The following POLR3C variants were observed in gnomAD, a reference collection of about 807,000 sequenced individuals.
POLR3C encodes the protein RNA polymerase III subunit C.
Under a neutral mutation model 65.9 loss-of-function variants are expected in POLR3C, and 44 were observed. The ratio of observed to expected loss-of-function variants is 0.67; its 90% CI spans 0.52 to 0.86. POLR3C has a LOEUF of 0.86. Ranked by LOEUF, POLR3C falls within the 40% of genes least tolerant of loss-of-function variation. The pLI, the probability that POLR3C is intolerant of heterozygous loss-of-function variation, is 0.00. For synonymous variants in POLR3C, 263 were observed against 231.6 expected, an observed-to-expected ratio of 1.14 and a Z score of -1.23; for missense variants, 576 against 653.2, an observed-to-expected ratio of 0.88 and a Z score of 1.29.
chr1:145,836,902 CCT>C (rs1651898566), intron 9 of POLR3C, 36 bp downstream of exon 9: 1 of 1,151,408 alleles, frequency 8.7e-7, no homozygotes, highest in African/African-American at 1.5e-5. Flanking sequence ...AGTCAGGCAG[CCT>C]GACCTATAAA....
intron 14 of POLR3C, 115 bp downstream of exon 14, chr1:145,841,186 G>A (rs1652263051): frequency 2.5e-6 from 2 of 807,584 alleles, no homozygotes; most frequent in African/African-American, 1.7e-5. Flanking sequence ...GTCTCCTCCA[G>A]CTCACTTAAC....
chr1:145,833,490 A>G lies in POLR3C; in HGVS notation c.784A>G (p.Thr262Ala). 6.2e-7 allele frequency: 1 copy of G among 1,612,392 alleles called. No individual in the cohort carries two copies. The highest frequency in any genetic ancestry group is 8.5e-7 in the Non-Finnish European group (1 of 1,178,376). The change falls in exon 7 of 15, where the codon ACA becomes GCA. Residue 262 changes from threonine to alanine, a missense_variant and splice_region_variant. Physicochemically the swap from Thr to Ala is moderately conservative, Grantham distance 58 (BLOSUM62 0). Transcript: ENST00000334163. ...VSAVANRMDQ[T>A]SSEIVRTMLR... is the part of the protein sequence containing the mutation. ...GAATTCTAGTTTACTTTTCAAACAG[A>G]CAAGCAGCGAGATTGTGCGAACCAT...
intron 11 of POLR3C, among the ~76,000 whole-genome samples, chr1:145,839,257 C>G (rs1272311759): frequency 6.6e-6 from 1 of 152,048 alleles, no homozygotes; most frequent in Non-Finnish European, 1.5e-5. Context: ...GGCAACAGAG[C>G]AAGACTCTGT....
chr1:145,839,684 T>C (rs587664995), intron 11 of POLR3C: 94 of 500,794 alleles, frequency 1.9e-4, no homozygotes, highest in Admixed American at 1.2e-3. Flanking sequence ...TGAGCTGATA[T>C]CATGCCACCG....
chr1:145,836,789 T>G, intron 8 of POLR3C, 26 bp from the exon 9 acceptor site: 1 of 1,507,946 alleles, frequency 6.6e-7, no homozygotes, highest in East Asian at 2.3e-5. Flanking sequence ...TTCCGTTCAG[T>G]TAACACTCTC....
chr1:145,839,291 T>C (rs1168999544), intron 11 of POLR3C, among the ~76,000 whole-genome samples: 1 of 151,810 alleles, frequency 6.6e-6, no homozygotes, highest in Non-Finnish European at 1.5e-5. Flanking sequence ...ATAATACGAC[T>C]TTTTGTAAAG....
intron 1 of POLR3C, among the ~76,000 whole-genome samples, chr1:145,824,982 C>T (rs1650586182): frequency 6.6e-6 from 1 of 152,092 alleles, no homozygotes; most frequent in Non-Finnish European, 1.5e-5. Flanking sequence ...CACGCATAAT[C>T]CCATAGAGAT....
At position 145,844,193 on chromosome 1, in the gene POLR3C, A is replaced by G. The variant is rs782177569; in HGVS notation, c.*1773A>G. Among the ~76,000 whole-genome samples, 5 of 152,230 alleles carry G rather than the reference A, an allele frequency of 3.3e-5. No homozygotes were observed. Among genetic ancestry groups the G allele is most frequent in the Non-Finnish European group, 7.3e-5 (5 of 68,042 alleles). ...TCTCCAAAAGGAAAGAAATCAATGT[A>G]TCAAAAAGATACCTGCACTCCCATG... On this transcript the variant is annotated 3_prime_UTR_variant, in exon 15 of 15. Coordinates refer to ENST00000334163, the MANE Select transcript of POLR3C (RefSeq NM_006468.8).
chr1:145,836,428 C>T, intron 7 of POLR3C, 66 bp from the exon 8 acceptor site: 1 of 926,488 alleles, frequency 1.1e-6, no homozygotes. Context: ...CCTAAAACAT[C>T]TTTATTTCAG....
intron 1 of POLR3C, chr1:145,824,578 C>G: frequency 8.0e-7 from 1 of 1,250,786 alleles, no homozygotes; most frequent in Non-Finnish European, 1.0e-6. Flanking sequence ...GGGGTGGGGA[C>G]GGGGAGGCAA....
At chr1:145,827,817 A>T (rs1160183882) in intron 4 of POLR3C, among the ~76,000 whole-genome samples, 5 of 151,580 alleles carry the variant, frequency 3.3e-5, no homozygotes, top group African/African-American at 4.8e-5. Context: ...AATCCCAGCT[A>T]CTCGGGAGGC....
intron 11 of POLR3C, among the ~76,000 whole-genome samples, chr1:145,838,594 G>T (rs879948079): frequency 1.3e-5 from 2 of 152,048 alleles, no homozygotes; most frequent in Non-Finnish European, 2.9e-5. Flanking sequence ...GAGGCAGGAA[G>T]GAGACTCTCT....
chr1:145,827,188 C>A (rs782390252), intron 4 of POLR3C, among the ~76,000 whole-genome samples, 183 bp downstream of exon 4: 5 of 152,100 alleles, frequency 3.3e-5, no homozygotes, highest in African/African-American at 1.2e-4. Flanking sequence ...ATACATTAAT[C>A]GGAAAATCAC....
At chr1:145,828,253 C>T (rs976784149) in intron 4 of POLR3C, among the ~76,000 whole-genome samples, 8 of 152,262 alleles carry the variant, frequency 5.3e-5, no homozygotes, top group Admixed American at 5.2e-4. Context: ...GGGAGACAGG[C>T]AGGGGCTGAA....
chr1:145,825,178 G>C (rs587704068), intron 1 of POLR3C, among the ~76,000 whole-genome samples: 3 of 151,700 alleles, frequency 2.0e-5, no homozygotes, highest in Non-Finnish European at 4.4e-5. Flanking sequence ...GCGCGATCTC[G>C]GCTCACTGCA....
intron 7 of POLR3C, 152 bp from the exon 8 acceptor site, chr1:145,836,342 A>G: frequency 1.6e-6 from 1 of 624,822 alleles, no homozygotes; most frequent in Non-Finnish European, 2.9e-6. Flanking sequence ...CTGGTCTCCA[A>G]CTCTTGACCC....
chr1:145,829,610 C>T (rs782706329), intron 5 of POLR3C, among the ~76,000 whole-genome samples: 9 of 152,168 alleles, frequency 5.9e-5, no homozygotes, highest in Non-Finnish European at 8.8e-5. Flanking sequence ...ATCCAAGGTA[C>T]GGGCTAGGAA....
chr1:145,835,490 A>G (rs1651739357), intron 7 of POLR3C, among the ~76,000 whole-genome samples: 1 of 151,728 alleles, frequency 6.6e-6, no homozygotes, highest in African/African-American at 2.4e-5. Flanking sequence ...CAGACCTTGC[A>G]TACTCTAACA....
intron 7 of POLR3C, among the ~76,000 whole-genome samples, chr1:145,836,062 TACAA>T (rs1275663822): frequency 6.6e-6 from 1 of 152,156 alleles, no homozygotes; most frequent in Admixed American, 6.6e-5. Flanking sequence ...TTTTTACTCT[TACAA>T]ACAATCCTGC....
Sources: allele counts gnomAD v4.1 joint callset (sites outside exome capture counted in the v4.1 genomes callset), GRCh38; gene constraint gnomAD v4.1.1; transcripts MANE v1.5; gene names NCBI Gene and HGNC (gene_info 2026-07-23, HGNC 2026-07-21).